The following TSHZ2 variants were observed in gnomAD, a reference collection of about 807,000 sequenced individuals.
TSHZ2 encodes the protein teashirt zinc finger homeobox 2.
In TSHZ2, 21 loss-of-function variants were observed where a neutral mutation model predicts 74.4. The ratio of observed to expected loss-of-function variants is 0.28; its 90% CI spans 0.20 to 0.41. The LOEUF is 0.41. TSHZ2 is among the 10% of genes least tolerant of loss of function. The pLI, the probability that TSHZ2 is intolerant of heterozygous loss-of-function variation, is 1.00. For synonymous variants in TSHZ2, 540 were observed against 515.3 expected, an observed-to-expected ratio of 1.05 and a Z score of -0.65; for missense variants, 1,244 against 1,293.5, an observed-to-expected ratio of 0.96 and a Z score of 0.59.
intron 1 of TSHZ2, among the ~76,000 whole-genome samples, chr20:53,168,108 G>T (rs748222693): frequency 6.6e-6 from 1 of 152,130 alleles, no homozygotes; most frequent in Non-Finnish European, 1.5e-5. Flanking sequence ...ATGTCCAGAA[G>T]GCAAGCAAAC....
intron 2 of TSHZ2, among the ~76,000 whole-genome samples, chr20:53,482,143 A>C (rs1310635563): frequency 2.0e-5 from 3 of 148,852 alleles, no homozygotes; most frequent in African/African-American, 4.9e-5. Context: ...AAGTAACTAT[A>C]CTCAGATATT....
intron 1 of TSHZ2, among the ~76,000 whole-genome samples, chr20:53,147,824 C>T (rs1338982342): frequency 6.6e-6 from 1 of 152,200 alleles, no homozygotes; most frequent in Non-Finnish European, 1.5e-5. Context: ...TCAAGTGACT[C>T]TCCTGCCTCA....
At chr20:53,470,322 T>A (rs988604523) in intron 2 of TSHZ2, among the ~76,000 whole-genome samples, 12 of 152,304 alleles carry the variant, frequency 7.9e-5, no homozygotes, top group African/African-American at 2.9e-4. Context: ...AGTTGAAGGG[T>A]TTCCTCACAC....
chr20:53,438,567 C>T (rs991255298), intron 2 of TSHZ2, among the ~76,000 whole-genome samples: 1 of 152,188 alleles, frequency 6.6e-6, no homozygotes, highest in Non-Finnish European at 1.5e-5. Flanking sequence ...TGCTGATTGG[C>T]CAGACTTGGG....
intron 1 of TSHZ2, among the ~76,000 whole-genome samples, chr20:53,031,015 A>T (rs6013608): frequency 0.73 from 110,004 of 151,708 alleles, 41,312 homozygotes; most frequent in East Asian, 0.96. Flanking sequence ...TATTTTTTTT[A>T]AAATTTCTTT....
At chr20:53,334,234 G>A (rs1189348630) in intron 2 of TSHZ2, among the ~76,000 whole-genome samples, 2 of 152,122 alleles carry the variant, frequency 1.3e-5, no homozygotes, top group Non-Finnish European at 2.9e-5. Flanking sequence ...AAAATAAAGA[G>A]AGAAAAAAAC....
intron 1 of TSHZ2, among the ~76,000 whole-genome samples, chr20:53,166,576 G>T (rs1988067379): frequency 6.6e-6 from 1 of 152,098 alleles, no homozygotes; most frequent in Non-Finnish European, 1.5e-5. Context: ...TTCAAGACCA[G>T]CCTGGCCAAC....
chr20:53,343,055 C>A (rs547012201), intron 2 of TSHZ2, among the ~76,000 whole-genome samples: 2 of 148,344 alleles, frequency 1.3e-5, no homozygotes, highest in African/African-American at 5.0e-5. Context: ...CAATCTCCGC[C>A]TCCCGGGTTC....
intron 2 of TSHZ2, among the ~76,000 whole-genome samples, chr20:53,456,119 C>A (rs1600655009): frequency 6.6e-6 from 1 of 151,810 alleles, no homozygotes; most frequent in Non-Finnish European, 1.5e-5. Flanking sequence ...AGTTCTAGAT[C>A]CCTGAGGAAT....
intron 1 of TSHZ2, among the ~76,000 whole-genome samples, chr20:52,999,563 G>A (rs377751455): frequency 6.6e-6 from 1 of 152,210 alleles, no homozygotes; most frequent in Non-Finnish European, 1.5e-5. Flanking sequence ...CTAAGCACCA[G>A]CTGGTGTCGT....
chr20:53,046,422 T>C (rs1006435259), intron 1 of TSHZ2, among the ~76,000 whole-genome samples: 2 of 152,140 alleles, frequency 1.3e-5, no homozygotes, highest in East Asian at 3.9e-4. Flanking sequence ...AGGATTTGTA[T>C]TTTTATCTTG....
intron 2 of TSHZ2, among the ~76,000 whole-genome samples, chr20:53,420,783 G>A (rs1277785602): frequency 6.6e-6 from 1 of 152,076 alleles, no homozygotes; most frequent in Non-Finnish European, 1.5e-5. Flanking sequence ...AAGAAAAAGT[G>A]TGTGGGGTCC....
intron 1 of TSHZ2, among the ~76,000 whole-genome samples, chr20:53,104,905 C>T (rs775773078): frequency 7.2e-5 from 11 of 152,314 alleles, no homozygotes; most frequent in Non-Finnish European, 1.6e-4. Context: ...GTGAAGATGG[C>T]GCCCACCTTT....
At chr20:53,047,682 C>T (rs1466810585) in intron 1 of TSHZ2, among the ~76,000 whole-genome samples, 1 of 151,950 alleles carries the variant, frequency 6.6e-6, no homozygotes, top group Non-Finnish European at 1.5e-5. Context: ...TTAAGAAAAA[C>T]ACTATGACAA....
At chr20:53,233,832 G>A (rs1244352170) in intron 1 of TSHZ2, among the ~76,000 whole-genome samples, 4 of 152,142 alleles carry the variant, frequency 2.6e-5, no homozygotes, top group African/African-American at 9.7e-5. Context: ...CCTATATCCT[G>A]GAACCAAGGA....
chr20:53,160,745 C>CAAAAAAAAAAAAAAAAAAAAAAAA (rs10653039), intron 1 of TSHZ2, among the ~76,000 whole-genome samples: 2 of 95,848 alleles, frequency 2.1e-5, no homozygotes, highest in African/African-American at 8.5e-5. Context: ...ACTCTGTCTC[C>CAAAAAAAAAAAAAAAAAAAAAAAA]AAAAAAAAAA....
intron 2 of TSHZ2, among the ~76,000 whole-genome samples, chr20:53,258,112 A>T (rs1990520377): frequency 6.6e-6 from 1 of 152,174 alleles, no homozygotes; most frequent in Admixed American, 6.5e-5. Context: ...TATAACTCTA[A>T]TTGCTATCTA....
At position 53,377,664 on chromosome 20, in the gene TSHZ2, C is replaced by T. The variant is rs114032470; in HGVS notation, c.*9-109480C>T. 9.6e-3 allele frequency among the ~76,000 whole-genome samples: 1,451 copies of T among 151,918 alleles called. 28 individuals carry two copies. Among genetic ancestry groups the T allele is most frequent in the African/African-American group, 0.032 (1,342 of 41,378 alleles). On this transcript the variant is annotated intron_variant, in intron 2 of 2. Transcript: ENST00000371497. The stretch of plus-strand genomic sequence containing the variant: ...CACTTTAGCCCAAGATTTCGAGAGA[C>T]GCCTGAGCAACACGGCAAAACCCCA...
chr20:53,358,996 A>G (rs777300829), intron 2 of TSHZ2, among the ~76,000 whole-genome samples: 8 of 152,232 alleles, frequency 5.3e-5, no homozygotes, highest in Non-Finnish European at 1.2e-4. Flanking sequence ...AAAGAGTAAT[A>G]TGAACCAGTC....
Sources: gnomAD v4.1 joint callset for allele counts (sites outside exome capture counted in the v4.1 genomes callset) on GRCh38, gnomAD v4.1.1 for gene constraint, MANE v1.5 for transcripts, NCBI Gene and HGNC (gene_info 2026-07-23, HGNC 2026-07-21) for gene names.